ATP8A2: variants seen among roughly 807,000 people sequenced by gnomAD.
The protein encoded by ATP8A2 is ATPase phospholipid transporting 8A2, also known as phospholipid-transporting ATPase IB.
In ATP8A2, 100 loss-of-function variants were observed where a neutral mutation model predicts 165.6. That is an observed-to-expected ratio of 0.60 (90% CI 0.51 to 0.71). The LOEUF (loss-of-function observed/expected upper bound fraction) is 0.71, where lower values mean the gene tolerates loss of function less well. Ranked by LOEUF, ATP8A2 falls within the 30% of genes least tolerant of loss-of-function variation. ATP8A2 has a pLI of 0.00. For synonymous variants in ATP8A2, 543 were observed against 548.8 expected (o/e 0.99, Z 0.15); for missense variants, 1,227 against 1,479.5 (o/e 0.83, Z 2.80).
intron 24 of ATP8A2, among the ~76,000 whole-genome samples, chr13:25,616,912 C>T (rs2040841928): frequency 6.6e-6 from 1 of 152,086 alleles, no homozygotes; most frequent in Admixed American, 6.6e-5. Context: ...GCAGCTGCTG[C>T]CAGAGCCTCC....
At chr13:25,673,986 C>G (rs1025719225) in intron 24 of ATP8A2, among the ~76,000 whole-genome samples, 3 of 152,178 alleles carry the variant, frequency 2.0e-5, no homozygotes, top group South Asian at 2.1e-4. Flanking sequence ...TGTGGTTCAG[C>G]AGAGGAAACT....
At chr13:25,737,828 G>A (rs1028819604) in intron 25 of ATP8A2, among the ~76,000 whole-genome samples, 2 of 152,108 alleles carry the variant, frequency 1.3e-5, no homozygotes, top group African/African-American at 2.4e-5. Context: ...GACTTCAGGC[G>A]CCTGGCCACC....
chr13:25,973,120 G>C (rs1198192822), intron 35 of ATP8A2, among the ~76,000 whole-genome samples: 1 of 152,206 alleles, frequency 6.6e-6, no homozygotes, highest in African/African-American at 2.4e-5. Flanking sequence ...AGACCCGGTT[G>C]CTGCCCCTGC....
intron 24 of ATP8A2, among the ~76,000 whole-genome samples, chr13:25,628,046 T>C (rs2041147314): frequency 6.6e-6 from 1 of 152,186 alleles, no homozygotes; most frequent in South Asian, 2.1e-4. Flanking sequence ...CATGGTGAAC[T>C]GGGACTCCAG....
chr13:25,882,858 A>G (rs1430006373), intron 33 of ATP8A2, among the ~76,000 whole-genome samples: 1 of 151,982 alleles, frequency 6.6e-6, no homozygotes, highest in African/African-American at 2.4e-5. Flanking sequence ...TGTTCTTCTT[A>G]AACTGGGCAT....
At chr13:25,961,796 A>C in intron 34 of ATP8A2, 133 bp downstream of exon 34, 1 of 661,448 alleles carries the variant, frequency 1.5e-6, no homozygotes, top group Non-Finnish European at 2.6e-6. Flanking sequence ...CACCTGCCAG[A>C]AATGAAAAAA....
At chr13:25,557,860 G>A (rs759165439) in intron 13 of ATP8A2, among the ~76,000 whole-genome samples, 1 of 152,116 alleles carries the variant, frequency 6.6e-6, no homozygotes, top group Non-Finnish European at 1.5e-5. Flanking sequence ...AGTAGGCAAA[G>A]TGATAGCAAA....
At chr13:25,631,990 G>A (rs563254677) in intron 24 of ATP8A2, among the ~76,000 whole-genome samples, 3 of 152,122 alleles carry the variant, frequency 2.0e-5, no homozygotes, top group Admixed American at 1.3e-4. Context: ...GGCTCTCCCC[G>A]ACCTTAGAAT....
At chr13:25,769,328 C>A in intron 26 of ATP8A2, 99 bp downstream of exon 26, 2 of 1,193,470 alleles carry the variant, frequency 1.7e-6, no homozygotes, top group Non-Finnish European at 2.3e-6. Context: ...CAAACCTCTG[C>A]CACCCCTCTT....
chr13:25,861,505 A>G (rs1952351243), intron 32 of ATP8A2, among the ~76,000 whole-genome samples: 1 of 152,230 alleles, frequency 6.6e-6, no homozygotes, highest in Admixed American at 6.5e-5. Context: ...TGTCTCTCAT[A>G]GTGTCATGAC....
At chr13:25,740,581 A>C (rs1020629400) in intron 25 of ATP8A2, among the ~76,000 whole-genome samples, 2 of 152,128 alleles carry the variant, frequency 1.3e-5, no homozygotes, top group African/African-American at 4.8e-5. Flanking sequence ...AAGATCCAAC[A>C]AGGAGGAAGG....
intron 18 of ATP8A2, among the ~76,000 whole-genome samples, chr13:25,574,535 C>T (rs2039560292): frequency 6.6e-6 from 1 of 152,196 alleles, no homozygotes; most frequent in Non-Finnish European, 1.5e-5. Flanking sequence ...CCAAAGGTTT[C>T]TGACGGACCT....
At chr13:25,669,786 TG>T (rs2042228423) in intron 24 of ATP8A2, among the ~76,000 whole-genome samples, 1 of 152,160 alleles carries the variant, frequency 6.6e-6, no homozygotes, top group African/African-American at 2.4e-5. Flanking sequence ...AGGTAGTGTG[TG>T]TCTTGAAATC....
At position 25,691,861 on chromosome 13, in the gene ATP8A2, G is replaced by A. The variant is rs1407585; in HGVS notation, c.2212-7312G>A. 4.4e-3 allele frequency among the ~76,000 whole-genome samples: 673 copies of A among 152,304 alleles called. 7 individuals carry two copies. Among genetic ancestry groups the A allele is most frequent in the African/African-American group, 0.016 (650 of 41,560 alleles). On this transcript the variant is annotated intron_variant, in intron 24 of 36. Coordinates refer to ENST00000381655, the MANE Select transcript of ATP8A2 (RefSeq NM_016529.6). ...TTCGGCTTCAGCCTTGGCAGCTTTT[G>A]TTAGCCCAAAGTGGATTTGCTATAT...
chr13:25,808,164 G>T (rs1218775073), intron 27 of ATP8A2, among the ~76,000 whole-genome samples: 2 of 148,434 alleles, frequency 1.3e-5, no homozygotes, highest in African/African-American at 2.5e-5. Flanking sequence ...GGGTCTTGCT[G>T]TGTCACCCAG....
At chr13:25,433,653 T>C (rs577361706) in intron 1 of ATP8A2, among the ~76,000 whole-genome samples, 4 of 152,206 alleles carry the variant, frequency 2.6e-5, no homozygotes, top group Non-Finnish European at 5.9e-5. Flanking sequence ...GATGAAATGC[T>C]TAGTTCCACA....
intron 33 of ATP8A2, among the ~76,000 whole-genome samples, chr13:25,951,186 T>A (rs1195602363): frequency 6.6e-6 from 1 of 152,198 alleles, no homozygotes; most frequent in East Asian, 1.9e-4. Flanking sequence ...TGTAGAAGCT[T>A]GTAAATAGCA....
chr13:25,981,452 T>A (rs1465057052), intron 35 of ATP8A2, among the ~76,000 whole-genome samples: 1 of 152,228 alleles, frequency 6.6e-6, no homozygotes, highest in African/African-American at 2.4e-5. Context: ...TAAGAATGCT[T>A]GTTTGAAAAA....
chr13:25,966,123 T>A (rs1955771519), intron 34 of ATP8A2, among the ~76,000 whole-genome samples: 1 of 151,730 alleles, frequency 6.6e-6, no homozygotes, highest in Non-Finnish European at 1.5e-5. Flanking sequence ...CTTAGGTATA[T>A]CTGAAGACCC....
Sources: allele counts gnomAD v4.1 joint callset (sites outside exome capture counted in the v4.1 genomes callset), GRCh38; gene constraint gnomAD v4.1.1; transcripts MANE v1.5; gene names NCBI Gene and HGNC (gene_info 2026-07-23, HGNC 2026-07-21).